FAM171B: variants seen among roughly 807,000 people sequenced by gnomAD.
FAM171B encodes the protein family with sequence similarity 171 member B.
Under a neutral mutation model 75.6 loss-of-function variants are expected in FAM171B, and 19 were observed. That is an observed-to-expected ratio of 0.25 (90% CI 0.18 to 0.37). The LOEUF (loss-of-function observed/expected upper bound fraction) is 0.37. FAM171B is among the 10% of genes least tolerant of loss of function. FAM171B has a pLI of 1.00. For missense variants in FAM171B, 848 were observed against 982.4 expected, an observed-to-expected ratio of 0.86 and a Z score of 1.83; for synonymous variants, 367 against 361.7, an observed-to-expected ratio of 1.01 and a Z score of -0.17.
At chr2:186,710,084 A>G (rs1689789311) in intron 1 of FAM171B, among the ~76,000 whole-genome samples, 1 of 152,332 alleles carries the variant, frequency 6.6e-6, no homozygotes, top group African/African-American at 2.4e-5. Flanking sequence ...TGTGGATACA[A>G]CTGAAGTTTG....
At chr2:186,731,563 C>G (rs1183880863) in intron 1 of FAM171B, among the ~76,000 whole-genome samples, 1 of 152,290 alleles carries the variant, frequency 6.6e-6, no homozygotes, top group East Asian at 1.9e-4. Flanking sequence ...AATTGAGCAG[C>G]AGCTACTTTT....
rs747219554 is a variant in FAM171B, at chr2:186,751,320, T to TA, written c.895+20dup. The TA allele has an allele frequency of 2.0e-6, 3 of 1,510,106 alleles. No individual in the cohort carries two copies. The allele number at this position is 1,510,106 out of a possible 1,614,324, so 93.5% of individuals were successfully genotyped here. On this transcript the variant is annotated intron_variant, in intron 5 of 7. Coordinates refer to ENST00000304698, the MANE Select transcript of FAM171B (RefSeq NM_177454.4). ...ATGAACACAGGTATGTGAGCTAGGT[T>TA]AAAATAGTCTGAATATTTTACATAT...
At chr2:186,702,622 C>T (rs543344024) in intron 1 of FAM171B, among the ~76,000 whole-genome samples, 2 of 152,126 alleles carry the variant, frequency 1.3e-5, no homozygotes, top group Admixed American at 6.5e-5. Flanking sequence ...AATATAAGGC[C>T]AGTTTATTTG....
intron 5 of FAM171B, 129 bp from the exon 6 acceptor site, chr2:186,753,804 T>C (rs971818114): frequency 1.6e-6 from 1 of 613,996 alleles, no homozygotes; most frequent in Non-Finnish European, 2.9e-6. Flanking sequence ...TGATGTGATA[T>C]ATATTAGCCT....
chr2:186,694,236 G>A lies in FAM171B; in HGVS notation c.63G>A (p.Leu21=), dbSNP rs1689539506. ...TTCTCGGCCTGGCCGTGGTGCTGCT[G>A]AAAGCGCGGCTGGTCCCCGCGGCCG... is the stretch of plus-strand genomic sequence containing the variant. ...TLLLGLAVVL[L]KARLVPAAAR... The change falls in exon 1 of 8, where the codon CTG becomes CTA. Residue 21 remains leucine, a synonymous_variant. Transcript: ENST00000304698. The A allele has an allele frequency of 6.2e-7, 1 of 1,611,546 alleles. No individual in the cohort carries two copies. The highest frequency in any genetic ancestry group is 8.5e-7 in the Non-Finnish European group (1 of 1,179,868).
intron 1 of FAM171B, among the ~76,000 whole-genome samples, chr2:186,704,838 T>TTTGG (rs1391529157): frequency 2.0e-5 from 3 of 152,144 alleles, no homozygotes; most frequent in African/African-American, 4.8e-5. Flanking sequence ...GAAGTGAAGA[T>TTTGG]TTGGAGGCTC....
chr2:186,724,361 G>A (rs74736168), intron 1 of FAM171B, among the ~76,000 whole-genome samples: 204 of 152,270 alleles, frequency 1.3e-3, no homozygotes, highest in African/African-American at 4.5e-3. Context: ...GCCCTGGCTA[G>A]TTATGTTACA....
chr2:186,733,745 G>A (rs1285997017), intron 1 of FAM171B, among the ~76,000 whole-genome samples: 1 of 152,184 alleles, frequency 6.6e-6, no homozygotes, highest in Non-Finnish European at 1.5e-5. Flanking sequence ...GCACTGGCAT[G>A]GGTGCTAACT....
intron 1 of FAM171B, among the ~76,000 whole-genome samples, chr2:186,735,953 T>A (rs1165375746): frequency 1.3e-5 from 2 of 152,230 alleles, no homozygotes; most frequent in Admixed American, 6.5e-5. Context: ...CTACTCAAAG[T>A]AATTTGACCT....
chr2:186,760,219 T>A (rs1690594135), intron 6 of FAM171B, among the ~76,000 whole-genome samples: 1 of 152,112 alleles, frequency 6.6e-6, no homozygotes, highest in East Asian at 1.9e-4. Context: ...GTAAAGCTTA[T>A]CACAATGGCA....
intron 1 of FAM171B, among the ~76,000 whole-genome samples, chr2:186,718,991 A>ATGCTGTGCTATTCG (rs1689913050): frequency 6.6e-6 from 1 of 152,156 alleles, no homozygotes; most frequent in Non-Finnish European, 1.5e-5. Flanking sequence ...TCTGCTATTC[A>ATGCTGTGCTATTCG]TGCTGTGCTA....
chr2:186,706,952 C>T (rs1037021440), intron 1 of FAM171B, among the ~76,000 whole-genome samples: 1 of 152,034 alleles, frequency 6.6e-6, no homozygotes, highest in African/African-American at 2.4e-5. Flanking sequence ...TCCTTACATT[C>T]TAAAACATGA....
Position 186,716,108 on chromosome 2 carries a change from G to C in FAM171B, c.238+21697G>C, listed in dbSNP as rs12373576. Among the ~76,000 whole-genome samples the C allele has an allele frequency of 9.6e-3, 1,461 of 152,254 alleles. 14 individuals carry two copies. Among genetic ancestry groups the C allele is most frequent in the Non-Finnish European group, 0.016 (1,117 of 68,010 alleles). ...GCTCACTGCAGCCTCAAACTCCTGG[G>C]ATCAAGGGATCTTCCCACCTCAGCA... On this transcript the variant is annotated intron_variant, in intron 1 of 7. Transcript: ENST00000304698.
At chr2:186,736,317 G>T (rs903761762) in intron 1 of FAM171B, among the ~76,000 whole-genome samples, 1 of 152,132 alleles carries the variant, frequency 6.6e-6, no homozygotes, top group Non-Finnish European at 1.5e-5. Context: ...TTTACTGAGG[G>T]TTAGCCATGG....
chr2:186,703,071 A>G (rs1485889971), intron 1 of FAM171B, among the ~76,000 whole-genome samples: 1 of 122,508 alleles, frequency 8.2e-6, no homozygotes, highest in South Asian at 2.5e-4. Context: ...GTGTATATAT[A>G]TATATACACA....
At chr2:186,730,025 G>A (rs192667226) in intron 1 of FAM171B, among the ~76,000 whole-genome samples, 1 of 152,172 alleles carries the variant, frequency 6.6e-6, no homozygotes, top group African/African-American at 2.4e-5. Context: ...ACAGTGGCAC[G>A]ATCTCACCTC....
At chr2:186,755,122 A>G (rs1177201026) in intron 6 of FAM171B, among the ~76,000 whole-genome samples, 1 of 152,226 alleles carries the variant, frequency 6.6e-6, no homozygotes, top group East Asian at 1.9e-4. Context: ...TCCTCAAAAT[A>G]TTCAAACATT....
rs1690634216 is a variant in FAM171B at position 186,762,530 on chromosome 2, A to G, written c.2188A>G (p.Met730Val). Residue 730 changes from methionine (M) to valine (V), a missense_variant, in exon 8 of 8, where the codon ATG (methionine) becomes GTG (valine). Transcript: ENST00000304698. This position sits in a 1 kb window ranked among gnomAD's most constrained non-coding sequence, Gnocchi z 4.0. ...GAGGGAGAAAACATTCATCAAAAGC[A>G]TGCATCAGCCCAAGATCCTTTACTT... Reference protein sequence around the residue: ...LEREKTFIKSMHQPKILYLED... With the variant: ...LEREKTFIKSVHQPKILYLED... The G allele has an allele frequency of 1.2e-6, 2 of 1,613,600 alleles. No homozygotes were observed. The highest frequency in any genetic ancestry group is 1.1e-5 in the South Asian group (1 of 91,078).
intron 2 of FAM171B, 114 bp downstream of exon 2, chr2:186,740,575 A>G: frequency 3.4e-6 from 3 of 890,346 alleles, no homozygotes; most frequent in East Asian, 5.3e-5. Context: ...GCTTAAGTCA[A>G]CATAAGGAGG....
Sources: gnomAD v4.1 joint callset for allele counts (sites outside exome capture counted in the v4.1 genomes callset) on GRCh38, gnomAD v4.1.1 for gene constraint, Gnocchi (gnomAD v3.1) non-coding constraint, MANE v1.5 for transcripts, NCBI Gene and HGNC (gene_info 2026-07-23, HGNC 2026-07-21) for gene names.